Variants in KATNIP observed in about 807,000 individuals in gnomAD.
KATNIP encodes the protein katanin interacting protein.
Under a neutral mutation model 174.0 loss-of-function variants are expected in KATNIP, and 126 were observed. The observed-to-expected ratio is 0.72, with a 90% CI of 0.63 to 0.84. The LOEUF (loss-of-function observed/expected upper bound fraction) is 0.84, where lower values mean the gene tolerates loss of function less well. KATNIP is among the 40% of genes least tolerant of loss of function. The pLI is 0.00. For synonymous variants in KATNIP, 810 were observed against 835.7 expected (o/e 0.97, Z 0.53); for missense variants, 1,958 against 2,109.7 (o/e 0.93, Z 1.41).
chr16:27,737,213 A>G (rs1290015476), intron 14 of KATNIP, among the ~76,000 whole-genome samples: 3 of 152,040 alleles, frequency 2.0e-5, no homozygotes, highest in Admixed American at 2.0e-4. Context: ...CCCCGTCTCT[A>G]CAAAAAAAAA....
chr16:27,729,647 A>G (rs2080583551), intron 14 of KATNIP, among the ~76,000 whole-genome samples: 1 of 152,044 alleles, frequency 6.6e-6, no homozygotes, highest in Admixed American at 6.5e-5. Flanking sequence ...CTGGATCGCT[A>G]TTTCTGGCCT....
At chr16:27,604,410 T>C (rs937913248) in intron 2 of KATNIP, among the ~76,000 whole-genome samples, 2 of 152,054 alleles carry the variant, frequency 1.3e-5, no homozygotes, top group African/African-American at 2.4e-5. Flanking sequence ...CTTTAAAAAA[T>C]TTTTAGTACA....
intron 13 of KATNIP, among the ~76,000 whole-genome samples, chr16:27,711,291 G>A (rs1003404505): frequency 2.0e-5 from 3 of 152,148 alleles, no homozygotes; most frequent in African/African-American, 7.2e-5. Context: ...GGTTCTGGGG[G>A]AGATCGTGCT....
chr16:27,774,823 C>A (rs570955173), intron 23 of KATNIP, 122 bp from the exon 24 acceptor site: 1 of 1,132,690 alleles, frequency 8.8e-7, no homozygotes, highest in Non-Finnish European at 1.3e-6. Context: ...GTCACTGCTG[C>A]GGCTGCCCAA....
chr16:27,777,628 C>A lies in KATNIP; in HGVS notation c.4570C>A (p.Leu1524Ile). 1 of 1,612,054 alleles carries A rather than the reference C, an allele frequency of 6.2e-7. No individual in the cohort carries two copies. The highest frequency in any genetic ancestry group is 8.5e-7 in the Non-Finnish European group (1 of 1,179,000). Residue 1524 changes from leucine to isoleucine, a missense_variant, in exon 26 of 28, where the codon CTT (leucine) becomes ATT (isoleucine). Coordinates refer to ENST00000261588, the MANE Select transcript of KATNIP (RefSeq NM_015202.5). This position sits in a 1 kb window ranked among gnomAD's most constrained non-coding sequence, Gnocchi z 4.4. Reference sequence around the variant, plus strand: ...CCTGCAGCTCCTGGTGGACGACCTGCTTGTGTACAATGGGATCCTGGCCAT... The same window carrying A: ...CCTGCAGCTCCTGGTGGACGACCTGATTGTGTACAATGGGATCCTGGCCAT... ...KEFGLLVDDL[L>I]VYNGILAMVS...
chr16:27,745,368 T>C (rs944856421), intron 15 of KATNIP, among the ~76,000 whole-genome samples: 5 of 152,218 alleles, frequency 3.3e-5, no homozygotes, highest in Admixed American at 2.6e-4. Flanking sequence ...CCTCACGATA[T>C]CAGCTTTCTC....
At chr16:27,624,071 C>T (rs1192613514) in intron 3 of KATNIP, among the ~76,000 whole-genome samples, 1 of 152,196 alleles carries the variant, frequency 6.6e-6, no homozygotes, top group African/African-American at 2.4e-5. Flanking sequence ...AGCTCTGGCT[C>T]AGACAAAGGT....
chr16:27,687,428 CATAAAGAGT>C (rs1394329324), intron 8 of KATNIP: 1 of 152,194 alleles, frequency 6.6e-6, no homozygotes, highest in African/African-American at 2.4e-5. Flanking sequence ...GCTTGTACCC[CATAAAGAGT>C]TATTTCTCCC....
chr16:27,709,499 G>A (rs996061938), intron 13 of KATNIP, among the ~76,000 whole-genome samples: 1 of 152,174 alleles, frequency 6.6e-6, no homozygotes, highest in African/African-American at 2.4e-5. Flanking sequence ...GCACATGCCT[G>A]TAATCCCAGC....
chr16:27,604,162 A>G (rs2075627148), intron 2 of KATNIP, among the ~76,000 whole-genome samples: 1 of 151,964 alleles, frequency 6.6e-6, no homozygotes, highest in Non-Finnish European at 1.5e-5. Context: ...AGAGTGGTGC[A>G]GTCACAGCTC....
chr16:27,749,899 A>G lies in KATNIP; in HGVS notation c.2939A>G (p.Asp980Gly). The change falls in exon 16 of 28, where the codon GAC becomes GGC. Residue 980 changes from aspartate (D) to glycine (G), a missense_variant. Physicochemically the swap from Asp to Gly is moderately conservative, Grantham distance 94. This residue lies in a region of KATNIP where 1,557 missense variants were observed against 1,617.8 expected (regional missense o/e 0.96). Coordinates refer to ENST00000261588, the MANE Select transcript of KATNIP (RefSeq NM_015202.5). Reference protein sequence around the residue: ...VLPYGQRLVIDIKSTWGDRHY... With the variant: ...VLPYGQRLVIGIKSTWGDRHY... ...CCTTATGGACAGCGCTTGGTCATTG[A>G]CATCAAGTCTACCTGGGGGGACAGA... 6.2e-7 allele frequency: 1 copy of G among 1,614,202 alleles called. No individual in the cohort carries two copies. Among genetic ancestry groups the G allele is most frequent in the Non-Finnish European group, 8.5e-7 (1 of 1,180,028 alleles).
chr16:27,602,686 T>C (rs1490188577), intron 2 of KATNIP, among the ~76,000 whole-genome samples: 1 of 152,114 alleles, frequency 6.6e-6, no homozygotes, highest in Non-Finnish European at 1.5e-5. Context: ...GCTAGAGTTT[T>C]TGGGTTTTCC....
At chr16:27,573,275 G>A (rs992141278) in intron 1 of KATNIP, among the ~76,000 whole-genome samples, 42 of 152,192 alleles carry the variant, frequency 2.8e-4, no homozygotes, top group African/African-American at 1.0e-3. Context: ...CTTTATAATG[G>A]ACACTTCCAT....
intron 5 of KATNIP, among the ~76,000 whole-genome samples, chr16:27,643,850 A>T (rs74909382): frequency 2.1e-3 from 318 of 151,998 alleles, no homozygotes; most frequent in African/African-American, 7.4e-3. Context: ...AAGGGGTGAA[A>T]GGTTCTAACC....
In KATNIP at chr16:27,770,513, C is replaced by T. The variant is rs147234046; in HGVS notation, c.4133+495C>T. Among the ~76,000 whole-genome samples the T allele has an allele frequency of 2.4e-3, 362 of 152,370 alleles. 1 individual carries two copies. The highest frequency in any genetic ancestry group is 8.4e-3 in the African/African-American group (349 of 41,590). On this transcript the variant is annotated intron_variant, in intron 21 of 27. Transcript: ENST00000261588. ...TTGAAACCCCCTGATGTCCAAACGC[C>T]AGAGGCCAAGCTCTTGAAACAAAAT...
rs145301144 is a variant in KATNIP at position 27,745,390 on chromosome 16, C to T, written c.2624-4194C>T. 1.1e-3 allele frequency among the ~76,000 whole-genome samples: 168 copies of T among 152,370 alleles called. 1 individual carries two copies. Among genetic ancestry groups the T allele is most frequent in the African/African-American group, 3.9e-3 (163 of 41,590 alleles). ...ATATCAGCTTTCTCTGCTACTCACA[C>T]GGCCTCACAGCCATATGAGCAGAAA... On this transcript the variant is annotated intron_variant, in intron 15 of 27. Coordinates refer to ENST00000261588, the MANE Select transcript of KATNIP (RefSeq NM_015202.5).
chr16:27,612,204 C>T (rs1304180534), intron 2 of KATNIP, among the ~76,000 whole-genome samples: 1 of 152,172 alleles, frequency 6.6e-6, no homozygotes, highest in Non-Finnish European at 1.5e-5. Flanking sequence ...ATCCAGTTCA[C>T]TTAACCCTGT....
chr16:27,721,624 C>T lies in KATNIP; in HGVS notation c.1672C>T (p.Arg558Ter), dbSNP rs757493420. Residue 558 changes from arginine to a stop codon, truncating the protein, a stop_gained, in exon 14 of 28, where the codon CGA becomes TGA. Transcript: ENST00000261588. LOFTEE classifies it high-confidence loss of function. ...ACCACTCCAGCTGTTTTTTGTTATT[C>T]GAAACACAAGACAGCTGGGGGACTT... ...HPPLQLFFVI[R>*]NTRQLGDFHL... is the part of the protein sequence containing the mutation. The T allele has an allele frequency of 8.7e-6, 14 of 1,614,122 alleles. No homozygotes were observed. The highest frequency in any genetic ancestry group is 1.6e-4 in the Middle Eastern group (1 of 6,062).
chr16:27,676,319 A>G (rs76806778), intron 6 of KATNIP, among the ~76,000 whole-genome samples: 3,439 of 152,288 alleles, frequency 0.023, 150 homozygotes, highest in African/African-American at 0.079. Flanking sequence ...CCAGTTTTCA[A>G]TTACATGTTC....
Sources: gnomAD v4.1 joint callset for allele counts (sites outside exome capture counted in the v4.1 genomes callset) on GRCh38, gnomAD v4.1.1 for gene constraint, gnomAD v4.1.1 regional missense constraint, Gnocchi (gnomAD v3.1) non-coding constraint, MANE v1.5 for transcripts, NCBI Gene and HGNC (gene_info 2026-07-23, HGNC 2026-07-21) for gene names.